The following DSCAM variants were observed in gnomAD, a reference collection of about 807,000 sequenced individuals.
The protein encoded by DSCAM is DS cell adhesion molecule.
Under a neutral mutation model 217.7 loss-of-function variants are expected in DSCAM, and 47 were observed. The ratio of observed to expected loss-of-function variants is 0.22; its 90% confidence interval spans 0.17 to 0.28. The LOEUF (loss-of-function observed/expected upper bound fraction) is 0.28, where lower values mean the gene tolerates loss of function less well. Among genes scored for constraint, DSCAM ranks in the 10% least tolerant of loss-of-function variants. The probability of loss-of-function intolerance (pLI) is 1.00; values close to 1 mark genes in which losing one functional copy is unlikely to be tolerated. For missense variants in DSCAM, 2,080 were observed against 2,618.3 expected, an observed-to-expected ratio of 0.79 and a Z score of 4.49; for synonymous variants, 1,056 against 1,015.3, an observed-to-expected ratio of 1.04 and a Z score of -0.76.
At chr21:40,704,539 A>T (rs1259668275) in intron 2 of DSCAM, among the ~76,000 whole-genome samples, 1 of 151,870 alleles carries the variant, frequency 6.6e-6, no homozygotes, top group Non-Finnish European at 1.5e-5. Context: ...ACATAGTGAG[A>T]ATACCCTCTA....
intron 3 of DSCAM, among the ~76,000 whole-genome samples, chr21:40,507,059 G>A (rs991823602): frequency 4.6e-5 from 7 of 152,074 alleles, no homozygotes; most frequent in African/African-American, 7.2e-5. Flanking sequence ...CAGGCAGATC[G>A]CAAGGTGAGG....
chr21:40,079,081 C>G (rs1481707307), intron 25 of DSCAM, 104 bp from the exon 26 acceptor site: 2 of 1,365,600 alleles, frequency 1.5e-6, no homozygotes, highest in Non-Finnish European at 2.0e-6. Flanking sequence ...AGGCCAGGAG[C>G]TCAGTCCAAG....
intron 29 of DSCAM, among the ~76,000 whole-genome samples, chr21:40,053,839 A>G (rs1017990308): frequency 9.2e-5 from 14 of 152,190 alleles, no homozygotes; most frequent in African/African-American, 3.4e-4. Context: ...AAGGCCATAG[A>G]CCACTCATGG....
At chr21:40,072,499 A>C (rs1300858548) in intron 27 of DSCAM, among the ~76,000 whole-genome samples, 1 of 151,842 alleles carries the variant, frequency 6.6e-6, no homozygotes, top group Non-Finnish European at 1.5e-5. Context: ...GGCGCCCGCC[A>C]CCACCCCCGG....
chr21:40,219,595 T>A (rs1162974859), intron 11 of DSCAM, among the ~76,000 whole-genome samples: 2 of 152,168 alleles, frequency 1.3e-5, no homozygotes, highest in African/African-American at 4.8e-5. Context: ...TAATTAAGGG[T>A]GAAATTAATG....
At chr21:40,314,182 G>A (rs1396974292) in intron 8 of DSCAM, among the ~76,000 whole-genome samples, 2 of 152,160 alleles carry the variant, frequency 1.3e-5, no homozygotes, top group African/African-American at 2.4e-5. Context: ...CAGCCATGGC[G>A]CTTCTCTTAT....
intron 15 of DSCAM, among the ~76,000 whole-genome samples, chr21:40,176,273 TG>T (rs1469526428): frequency 2.0e-5 from 3 of 152,100 alleles, no homozygotes; most frequent in Non-Finnish European, 4.4e-5. Context: ...AGGTGAGTGC[TG>T]GGCATTGGGC....
At chr21:40,526,792 T>C (rs368938392) in intron 3 of DSCAM, among the ~76,000 whole-genome samples, 6 of 152,112 alleles carry the variant, frequency 3.9e-5, no homozygotes, top group African/African-American at 1.2e-4. Flanking sequence ...AGCACTTTTA[T>C]TTGTCAAAAT....
intron 3 of DSCAM, among the ~76,000 whole-genome samples, chr21:40,596,203 C>T (rs1297370723): frequency 6.6e-6 from 1 of 152,102 alleles, no homozygotes; most frequent in Non-Finnish European, 1.5e-5. Context: ...ACAGGTACTA[C>T]CTAGAAAAGT....
chr21:40,809,270 G>A (rs1306507481), intron 1 of DSCAM, among the ~76,000 whole-genome samples: 1 of 152,174 alleles, frequency 6.6e-6, no homozygotes, highest in Non-Finnish European at 1.5e-5. Flanking sequence ...AAGGGGCCGT[G>A]TCTTGGTGTG....
At chr21:40,778,995 G>A (rs1313360493) in intron 1 of DSCAM, among the ~76,000 whole-genome samples, 1 of 124,026 alleles carries the variant, frequency 8.1e-6, no homozygotes, top group Non-Finnish European at 1.6e-5. Context: ...TTGCACTCCA[G>A]CCTGGGCAAC....
intron 3 of DSCAM, among the ~76,000 whole-genome samples, chr21:40,515,863 A>G (rs1020439140): frequency 6.6e-6 from 1 of 152,204 alleles, no homozygotes; most frequent in African/African-American, 2.4e-5. Context: ...GACTATGTTT[A>G]ACGTCAAGAA....
rs527405144 is a variant in DSCAM, at chr21:40,600,354, G to A, written c.508+92456C>T. Among the ~76,000 whole-genome samples the A allele has an allele frequency of 1.3e-5, 2 of 152,224 alleles. 1 individual carries two copies. Among genetic ancestry groups the A allele is most frequent in the South Asian group, 4.2e-4 (2 of 4,808 alleles). On this transcript the variant is annotated intron_variant, in intron 3 of 32. Coordinates refer to ENST00000400454, the MANE Select transcript of DSCAM (RefSeq NM_001389.5). ...TTCTGGTTCATAGATGGTGATTCTT[G>A]CTACGTCCTCACATGGTGGAAGAGA...
intron 32 of DSCAM, among the ~76,000 whole-genome samples, chr21:40,023,339 A>C (rs531477159): frequency 6.6e-6 from 1 of 151,998 alleles, no homozygotes; most frequent in Admixed American, 6.6e-5. Flanking sequence ...ACGTGTGCAT[A>C]TGTCTTTATA....
chr21:40,042,605 A>G lies in DSCAM; in HGVS notation c.5452T>C (p.Tyr1818His). 1 of 1,614,144 alleles carries G rather than the reference A, an allele frequency of 6.2e-7. No individual in the cohort carries two copies. The highest frequency in any genetic ancestry group is 8.5e-7 in the Non-Finnish European group (1 of 1,180,042). The change falls in exon 32 of 33, where the codon TAC (tyrosine) becomes CAC (histidine). Residue 1818 changes from tyrosine to histidine, a missense_variant. By Grantham distance (83) the Tyr-to-His change is moderately conservative. Coordinates refer to ENST00000400454, the MANE Select transcript of DSCAM (RefSeq NM_001389.5). Reference protein sequence around the residue: ...SSTYEELARAYEHAKMEEQLR... With the variant: ...SSTYEELARAHEHAKMEEQLR... Reference sequence around the variant, plus strand: ...TGCTCTTCCATCTTGGCGTGTTCGTAGGCCCTGGCCAGTTCTTCGTAAGTG... The same window carrying G: ...TGCTCTTCCATCTTGGCGTGTTCGTGGGCCCTGGCCAGTTCTTCGTAAGTG...
At chr21:40,376,515 T>C (rs1216824417) in intron 3 of DSCAM, among the ~76,000 whole-genome samples, 1 of 115,824 alleles carries the variant, frequency 8.6e-6, no homozygotes, top group Non-Finnish European at 1.7e-5. Context: ...TATATCGATA[T>C]CTATATATCT....
At chr21:40,380,933 G>A (rs1024167819) in intron 3 of DSCAM, among the ~76,000 whole-genome samples, 8 of 151,780 alleles carry the variant, frequency 5.3e-5, no homozygotes, top group Non-Finnish European at 8.8e-5. Flanking sequence ...CGTGGTGGCG[G>A]GCGCCTGTAG....
At chr21:40,243,175 CAGG>C (rs1282361881) in intron 11 of DSCAM, among the ~76,000 whole-genome samples, 1 of 152,082 alleles carries the variant, frequency 6.6e-6, no homozygotes, top group African/African-American at 2.4e-5. Context: ...CATGAAAGCT[CAGG>C]AGAAGAGGTC....
chr21:40,426,505 G>A (rs535115769), intron 3 of DSCAM, among the ~76,000 whole-genome samples: 3 of 152,244 alleles, frequency 2.0e-5, no homozygotes, highest in Admixed American at 6.5e-5. Context: ...TTGTCATCTC[G>A]TTATACATTC....
Sources: allele counts gnomAD v4.1 joint callset (sites outside exome capture counted in the v4.1 genomes callset), GRCh38; gene constraint gnomAD v4.1.1; transcripts MANE v1.5; gene names NCBI Gene and HGNC (gene_info 2026-07-23, HGNC 2026-07-21).